Variants in MMACHC observed in about 807,000 individuals in gnomAD.
The protein encoded by MMACHC is cyanocobalamin reductase / alkylcobalamin dealkylase.
A neutral mutation model predicts 17.6 loss-of-function variants in MMACHC; 14 were observed. That is an observed-to-expected ratio of 0.80 (90% CI 0.53 to 1.25). The LOEUF (loss-of-function observed/expected upper bound fraction) is 1.25. MMACHC is among the 50% of genes most tolerant of loss of function. MMACHC has a pLI of 0.00. For synonymous variants in MMACHC, 151 were observed against 142.1 expected, an observed-to-expected ratio of 1.06 and a Z score of -0.45; for missense variants, 392 against 364.5, an observed-to-expected ratio of 1.08 and a Z score of -0.62.
In MMACHC at chr1:45,508,821, C is replaced by A. The variant is rs754032179; in HGVS notation, c.455C>A (p.Pro152His). 6.2e-7 allele frequency: 1 copy of A among 1,614,082 alleles called. No homozygotes were observed. ...CGCATATCAGGTGTGTGCATACACC[C>A]CCGATTTGGGGGCTGGTTTGCCATC... ...NQRISGVCIHPRFGGWFAIRG... is the reference protein window; with the variant it reads ...NQRISGVCIHHRFGGWFAIRG... The change falls in exon 4 of 4, where the codon CCC becomes CAC. Residue 152 changes from proline (P) to histidine (H), a missense_variant. Pro to His is a moderately conservative substitution (Grantham distance 77, BLOSUM62 -2). Transcript: ENST00000401061.
rs1306325448 is a variant in MMACHC at position 45,508,296 on chromosome 1, G to A, written c.361G>A (p.Ala121Thr). Reference sequence around the variant, plus strand: ...CCCCAAGATCCTGGCCCAGACAGCAGCCCATGTAGCTGGGGCTGCTTACTA... The same window carrying A: ...CCCCAAGATCCTGGCCCAGACAGCAACCCATGTAGCTGGGGCTGCTTACTA... ...RRPKILAQTA[A>T]HVAGAAYYYQ... Residue 121 changes from alanine (A) to threonine (T), a missense_variant, in exon 3 of 4, where the codon GCC (alanine) becomes ACC (threonine). Coordinates refer to ENST00000401061, the MANE Select transcript of MMACHC (RefSeq NM_015506.3). 6.2e-7 allele frequency: 1 copy of A among 1,614,234 alleles called. No individual in the cohort carries two copies. The highest frequency in any genetic ancestry group is 1.7e-5 in the Admixed American group (1 of 60,028).
chr1:45,505,390 A>G (rs1319659138), intron 1 of MMACHC, among the ~76,000 whole-genome samples: 3 of 151,528 alleles, frequency 2.0e-5, no homozygotes, highest in Non-Finnish European at 2.9e-5. Flanking sequence ...GGAGATTGCA[A>G]TAAGCCGAGG....
rs918642767 is a variant in MMACHC at position 45,508,651 on chromosome 1, G to A, written c.430-145G>A. The A allele has an allele frequency of 4.8e-6, 5 of 1,041,324 alleles. No individual in the cohort carries two copies. The East Asian group carries it at 1.3e-4, about 27-fold the overall frequency. 64.5% of individuals were successfully genotyped at this position (1,041,324 alleles called of 1,614,324 possible). ...CTTCCCTGTGCTCAGAATAGTTTAT[G>A]AAAGGGTTTGCCAAGAAAAGGACAG... is the stretch of plus-strand genomic sequence containing the variant. On this transcript the variant is annotated intron_variant, in intron 3 of 3. Coordinates refer to ENST00000401061, the MANE Select transcript of MMACHC (RefSeq NM_015506.3).
Position 45,508,329 on chromosome 1 carries a change from C to T in MMACHC, c.394C>T (p.Arg132Ter), listed in dbSNP as rs121918241. The T allele has an allele frequency of 5.3e-5, 86 of 1,614,064 alleles. No homozygotes were observed. The South Asian group carries it at 8.0e-4, about 15-fold the overall frequency. ...HVAGAAYYYQRQDVEADPWGN... is the reference protein window; with the variant it reads ...HVAGAAYYYQ ...AGCTGGGGCTGCTTACTACTACCAACGACAAGATGTGGAGGCTGACCCATG... is the reference window on the plus strand; with the variant it reads ...AGCTGGGGCTGCTTACTACTACCAATGACAAGATGTGGAGGCTGACCCATG... The change falls in exon 3 of 4, where the codon CGA becomes TGA. Residue 132 changes from arginine (R) to a stop codon, truncating the protein, a stop_gained. Coordinates refer to ENST00000401061, the MANE Select transcript of MMACHC (RefSeq NM_015506.3). LOFTEE classifies it low-confidence loss of function (END_TRUNC).
Position 45,511,643 on chromosome 1 carries a change from G to T in MMACHC, c.*2428G>T. 12 of 357,914 alleles carry T rather than the reference G, an allele frequency of 3.4e-5. No individual in the cohort carries two copies. Among genetic ancestry groups the T allele is most frequent in the Non-Finnish European group, 3.5e-5 (7 of 199,976 alleles). The allele number at this position is 357,914 out of a possible 1,614,324, so 22.2% of individuals were successfully genotyped here. On this transcript the variant is annotated 3_prime_UTR_variant, in exon 4 of 4. Transcript: ENST00000401061. Reference sequence around the variant, plus strand: ...TGCCTAATTTATTCATGTAGCACTTGAAATTTAAATTTTCCACAAAAAAAG... The same window carrying T: ...TGCCTAATTTATTCATGTAGCACTTTAAATTTAAATTTTCCACAAAAAAAG...
rs1250114872 is a variant in MMACHC, at chr1:45,508,373, G to C, written c.429+9G>C. 4.3e-6 allele frequency: 7 copies of C among 1,613,994 alleles called. No individual in the cohort carries two copies. The African/African-American group carries it at 8.0e-5, about 18-fold the overall frequency. ...ACCCATGGGGGAACCAGGTGAGAGG[G>C]AAAATGTAAATAGAGGCTGAGATAG... On this transcript the variant is annotated intron_variant, in intron 3 of 3. Coordinates refer to ENST00000401061, the MANE Select transcript of MMACHC (RefSeq NM_015506.3).
chr1:45,508,165 A>G (rs747152633), intron 2 of MMACHC, 47 bp from the exon 3 acceptor site: 5 of 1,607,694 alleles, frequency 3.1e-6, no homozygotes, highest in Non-Finnish European at 4.3e-6. Context: ...ACAAGGTCAT[A>G]ACTCCCCTCA....
In MMACHC at chr1:45,509,561, T is replaced by G. The variant is rs1190521236; in HGVS notation, c.*346T>G. ...CTGAGTAGCTGGGATGACAGGTGCCTGCCACTACACCTGGCTAATTTTTTG... is the reference window on the plus strand; with the variant it reads ...CTGAGTAGCTGGGATGACAGGTGCCGGCCACTACACCTGGCTAATTTTTTG... On this transcript the variant is annotated 3_prime_UTR_variant, in exon 4 of 4. Transcript: ENST00000401061. The G allele has an allele frequency of 4.6e-6, 1 of 218,878 alleles. No homozygotes were observed. The highest frequency in any genetic ancestry group is 8.9e-6 in the Non-Finnish European group (1 of 111,924). 13.6% of individuals were successfully genotyped at this position (218,878 alleles called of 1,614,324 possible).
intron 1 of MMACHC, among the ~76,000 whole-genome samples, chr1:45,503,463 TCTCA>T (rs1266001417): frequency 2.9e-5 from 4 of 137,840 alleles, no homozygotes; most frequent in Non-Finnish European, 6.2e-5. Flanking sequence ...TGAGATGGAG[TCTCA>T]CTCTGTTGCC....
rs1346485481 is a variant in MMACHC at position 45,512,154 on chromosome 1, C to G, written c.*2939C>G. ...AGTACGGTGGCGCAATCTCCACCTC[C>G]GTCTCACTGCAACCTCGGTCTCCCG... On this transcript the variant is annotated 3_prime_UTR_variant, in exon 4 of 4. Coordinates refer to ENST00000401061, the MANE Select transcript of MMACHC (RefSeq NM_015506.3). The G allele has an allele frequency of 7.3e-6, 1 of 137,622 alleles. No homozygotes were observed. Among genetic ancestry groups the G allele is most frequent in the Non-Finnish European group, 1.5e-5 (1 of 66,116 alleles). 8.5% of individuals were successfully genotyped at this position (137,622 alleles called of 1,614,324 possible). A position where few individuals can be genotyped will look rare whatever the true frequency, so the allele number is the denominator to read the frequency against.
intron 3 of MMACHC, 95 bp from the exon 4 acceptor site, chr1:45,508,701 G>A: frequency 7.3e-7 from 1 of 1,366,820 alleles, no homozygotes; most frequent in African/African-American, 1.4e-5. Context: ...AGTGTACACT[G>A]AGTGGGAAGT....
intron 1 of MMACHC, among the ~76,000 whole-genome samples, chr1:45,504,428 C>T (rs1263068951): frequency 6.6e-6 from 1 of 151,974 alleles, no homozygotes; most frequent in Non-Finnish European, 1.5e-5. Context: ...AAAAAAGAAA[C>T]CAAACACAAG....
rs891935917 is a variant in MMACHC, at chr1:45,511,477, T to C, written c.*2262T>C. On this transcript the variant is annotated 3_prime_UTR_variant, in exon 4 of 4. Coordinates refer to ENST00000401061, the MANE Select transcript of MMACHC (RefSeq NM_015506.3). Reference sequence around the variant, plus strand: ...AATGGTATGCACCACCATTCTCCTATGGACAAAACCAGTTCTGCACCTGAA... The same window carrying C: ...AATGGTATGCACCACCATTCTCCTACGGACAAAACCAGTTCTGCACCTGAA... The C allele has an allele frequency of 5.7e-6, 8 of 1,397,730 alleles. No homozygotes were observed. The highest frequency in any genetic ancestry group is 8.0e-6 in the Non-Finnish European group (8 of 997,870). 86.6% of individuals were successfully genotyped at this position (1,397,730 alleles called of 1,614,324 possible). A position where few individuals can be genotyped will look rare whatever the true frequency, so the allele number is the denominator to read the frequency against.
In MMACHC at chr1:45,509,214, GA is replaced by G. The variant is rs1553163027; in HGVS notation, c.849del (p.Ter283CysfsTer8). The G allele has an allele frequency of 1.9e-6, 3 of 1,613,934 alleles. No homozygotes were observed. The highest frequency in any genetic ancestry group is 8.5e-7 in the Non-Finnish European group (1 of 1,180,008). On this transcript the variant is annotated frameshift_variant and stop_lost, in exon 4 of 4. Coordinates refer to ENST00000401061, the MANE Select transcript of MMACHC (RefSeq NM_015506.3). LOFTEE classifies it high-confidence loss of function. ...TCACCACCTGCATCCCCTGGCCCTT[GA>G]TTTTCTCCCATGTGGACCCTGATTT... ...RVSPPASPGP[*>X]
rs1643727520 is a variant in MMACHC at position 45,510,833 on chromosome 1, A to G, written c.*1618A>G. On this transcript the variant is annotated 3_prime_UTR_variant, in exon 4 of 4. Coordinates refer to ENST00000401061, the MANE Select transcript of MMACHC (RefSeq NM_015506.3). ...CGTCAGTCGCAGTGCTCTGGCCAACACTATAGCAGGGCTTATTCTTCTCCC... is the reference window on the plus strand; with the variant it reads ...CGTCAGTCGCAGTGCTCTGGCCAACGCTATAGCAGGGCTTATTCTTCTCCC... 6.6e-6 allele frequency: 1 copy of G among 152,382 alleles called. No homozygotes were observed. The highest frequency in any genetic ancestry group is 1.5e-5 in the Non-Finnish European group (1 of 68,160). The allele number at this position is 152,382 out of a possible 1,614,324, so 9.4% of individuals were successfully genotyped here.
intron 1 of MMACHC, among the ~76,000 whole-genome samples, chr1:45,504,142 G>A (rs1433373473): frequency 1.3e-5 from 2 of 152,184 alleles, no homozygotes; most frequent in Non-Finnish European, 2.9e-5. Flanking sequence ...GGCCGGGCAC[G>A]GAGACTCAAG....
chr1:45,505,618 C>T (rs1394723827), intron 1 of MMACHC, among the ~76,000 whole-genome samples: 1 of 150,998 alleles, frequency 6.6e-6, no homozygotes, highest in East Asian at 2.0e-4. Flanking sequence ...TAAGAAACTG[C>T]CTGGGCTGGG....
At position 45,511,423 on chromosome 1, in the gene MMACHC, GA is replaced by G. The variant is rs770412755; in HGVS notation, c.*2211del. On this transcript the variant is annotated 3_prime_UTR_variant, in exon 4 of 4. Coordinates refer to ENST00000401061, the MANE Select transcript of MMACHC (RefSeq NM_015506.3). ...CCAGCCAGCTGGGCACACTGCAAGA[GA>G]AAGGCACCACTAATTAATAACCTTC... 10 of 1,609,646 alleles carry G rather than the reference GA, an allele frequency of 6.2e-6. No homozygotes were observed. The highest frequency in any genetic ancestry group is 2.5e-6 in the Non-Finnish European group (3 of 1,177,312).
At chr1:45,505,910 A>C (rs1643613538) in intron 1 of MMACHC, among the ~76,000 whole-genome samples, 1 of 152,124 alleles carries the variant, frequency 6.6e-6, no homozygotes, top group East Asian at 1.9e-4. Flanking sequence ...TCAAAAAAAA[A>C]AAAAAACAAA....
Sources: allele counts gnomAD v4.1 joint callset (sites outside exome capture counted in the v4.1 genomes callset), GRCh38; gene constraint gnomAD v4.1.1; transcripts MANE v1.5; gene names NCBI Gene and HGNC (gene_info 2026-07-23, HGNC 2026-07-21).